The following DNAJC9 variants were observed in gnomAD, a reference collection of about 807,000 sequenced individuals.
The protein encoded by DNAJC9 is DnaJ heat shock protein family (Hsp40) member C9.
In DNAJC9, 18 loss-of-function variants were observed where a neutral mutation model predicts 32.4. That is an observed-to-expected ratio of 0.56 (90% CI 0.38 to 0.82). DNAJC9 has a LOEUF of 0.82. Ranked by LOEUF, DNAJC9 falls within the 40% of genes least tolerant of loss-of-function variation. The probability of loss-of-function intolerance (pLI) is 0.00; values close to 1 mark genes in which losing one functional copy is unlikely to be tolerated. For missense variants in DNAJC9, 310 were observed against 321.8 expected (o/e 0.96, Z 0.28); for synonymous variants, 113 against 122.1 (o/e 0.93, Z 0.49).
Position 73,246,650 on chromosome 10 carries a change from A to C in DNAJC9, c.321+38T>G, listed in dbSNP as rs200588545. On this transcript the variant is annotated intron_variant, in intron 2 of 4. Coordinates refer to ENST00000372950, the MANE Select transcript of DNAJC9 (RefSeq NM_015190.5). Reference sequence around the variant, plus strand: ...TCAATAAAGGTTTGTTGATTGAATGATGGTAACAGTCACAAAGAAACCTCC... The same window carrying C: ...TCAATAAAGGTTTGTTGATTGAATGCTGGTAACAGTCACAAAGAAACCTCC... 4.0e-4 allele frequency: 651 copies of C among 1,609,346 alleles called. No individual in the cohort carries two copies. In the African/African-American group the frequency reaches 7.8e-3, roughly 19 times the overall value.
At chr10:73,240,441 G>A (rs528198779), downstream of DNAJC9, among the ~76,000 whole-genome samples, 6 of 152,024 alleles carry the variant, frequency 3.9e-5, no homozygotes, top group Non-Finnish European at 7.4e-5. Flanking sequence ...GGCTGGGCGT[G>A]GTGGCTCATG....
Position 73,247,222 on chromosome 10 carries a change from CCG to C in DNAJC9, c.-35_-34del. On this transcript the variant is annotated 5_prime_UTR_variant, in exon 1 of 5. Coordinates refer to ENST00000372950, the MANE Select transcript of DNAJC9 (RefSeq NM_015190.5). ...GGAGATACGACCCCGGAGGAAGCAG[CCG>C]CTCCCAGCTGCGCCGGGTACAACCC... is the stretch of plus-strand genomic sequence containing the variant. 6.4e-7 allele frequency: 1 copy of C among 1,570,162 alleles called. No homozygotes were observed. Among genetic ancestry groups the C allele is most frequent in the Non-Finnish European group, 8.6e-7 (1 of 1,158,756 alleles).
chr10:73,233,276 A>G, intron 2 of DNAJC9: 1 of 773,820 alleles, frequency 1.3e-6, no homozygotes, highest in Non-Finnish European at 2.1e-6. Context: ...ATCATTAAGT[A>G]GTCTTATGAC....
chr10:73,244,182 C>T (rs1366530614), intron 3 of DNAJC9: 1 of 458,012 alleles, frequency 2.2e-6, no homozygotes, highest in East Asian at 4.2e-5. Flanking sequence ...CTCTGGCACT[C>T]ATAAATCACA....
downstream of DNAJC9, among the ~76,000 whole-genome samples, chr10:73,235,760 T>TC (rs556933958): frequency 3.0e-3 from 458 of 152,312 alleles, 2 homozygotes; most frequent in Non-Finnish European, 5.5e-3. Flanking sequence ...GACCTGGAAC[T>TC]CCTGGGCTCA....
At chr10:73,246,984 C>A in intron 1 of DNAJC9, 26 bp downstream of exon 1, 1 of 1,548,874 alleles carries the variant, frequency 6.5e-7, no homozygotes, top group Non-Finnish European at 8.7e-7. Flanking sequence ...CGCAGCCGGT[C>A]GGCTTCGGGG....
chr10:73,244,252 T>G, intron 3 of DNAJC9: 1 of 248,732 alleles, frequency 4.0e-6, no homozygotes, highest in Non-Finnish European at 7.7e-6. Context: ...TCCCCATACC[T>G]TGGGAGGCCA....
downstream of DNAJC9, among the ~76,000 whole-genome samples, chr10:73,240,334 A>C (rs1370863024): frequency 3.3e-5 from 5 of 152,206 alleles, no homozygotes; most frequent in African/African-American, 1.2e-4. Context: ...AGTTCCCCGC[A>C]GCATTGTCTG....
chr10:73,238,308 T>C (rs949625421), downstream of DNAJC9, among the ~76,000 whole-genome samples: 4 of 152,258 alleles, frequency 2.6e-5, no homozygotes, highest in Admixed American at 1.3e-4. Flanking sequence ...GATCGTGCCA[T>C]TGCACTCCAA....
downstream of DNAJC9, among the ~76,000 whole-genome samples, chr10:73,236,412 CCTT>C (rs1564717852): frequency 6.9e-6 from 1 of 145,866 alleles, no homozygotes; most frequent in Admixed American, 6.8e-5. Flanking sequence ...CCAATTTCTG[CCTT>C]TTTTTTTTTT....
downstream of DNAJC9, chr10:73,235,039 T>C (rs2043791570): frequency 2.7e-6 from 4 of 1,492,414 alleles, no homozygotes; most frequent in Admixed American, 8.3e-5. Context: ...TATACTGTGT[T>C]TTGTCAAAAG....
Position 73,242,071 on chromosome 10 carries a change from G to T in DNAJC9, c.*1329C>A, listed in dbSNP as rs2043960647. The T allele has an allele frequency of 6.6e-6, 1 of 152,056 alleles. No homozygotes were observed. Among genetic ancestry groups the T allele is most frequent in the African/African-American group, 2.4e-5 (1 of 41,414 alleles). 9.4% of individuals were successfully genotyped at this position (152,056 alleles called of 1,614,324 possible). A position where few individuals can be genotyped will look rare whatever the true frequency, so the allele number is the denominator to read the frequency against. On this transcript the variant is annotated 3_prime_UTR_variant, in exon 5 of 5. Transcript: ENST00000372950. ...TAAATTCAAATAATCATAAATTACG[G>T]TAACTTTTTATTATACCAAGGTGTT...
chr10:73,236,633 C>T (rs1022808035), downstream of DNAJC9, among the ~76,000 whole-genome samples: 3 of 151,698 alleles, frequency 2.0e-5, no homozygotes, highest in Admixed American at 6.6e-5. Flanking sequence ...AGGCTGGTCT[C>T]GAACTCCTGA....
chr10:73,237,799 C>T (rs1346008607), downstream of DNAJC9, among the ~76,000 whole-genome samples: 5 of 151,978 alleles, frequency 3.3e-5, no homozygotes, highest in South Asian at 2.1e-4. Context: ...AATCAGCACA[C>T]TGCAGCCTCA....
At chr10:73,239,354 C>T (rs1437904944), downstream of DNAJC9, 1 of 1,551,688 alleles carries the variant, frequency 6.4e-7, no homozygotes, top group Non-Finnish European at 8.7e-7. Flanking sequence ...TGAGTATCCT[C>T]ATCAGGCCCG....
At chr10:73,232,512 A>G (rs1278414551) in intron 2 of DNAJC9, among the ~76,000 whole-genome samples, 2 of 152,204 alleles carry the variant, frequency 1.3e-5, no homozygotes, top group Non-Finnish European at 2.9e-5. Flanking sequence ...CCAAGCAGCA[A>G]TATTTGTCTT....
At chr10:73,235,793 G>A (rs1036827882), downstream of DNAJC9, among the ~76,000 whole-genome samples, 13 of 152,126 alleles carry the variant, frequency 8.5e-5, no homozygotes, top group Non-Finnish European at 1.3e-4. Flanking sequence ...TTAGCCTCCC[G>A]AGTAGCTGGG....
At chr10:73,246,973 G>C (rs372043663) in intron 1 of DNAJC9, 37 bp downstream of exon 1, 1 of 1,547,876 alleles carries the variant, frequency 6.5e-7, no homozygotes, top group Non-Finnish European at 8.7e-7. Flanking sequence ...GGGGAGGCCC[G>C]CGCAGCCGGT....
At chr10:73,237,775 G>C (rs1405100597), downstream of DNAJC9, among the ~76,000 whole-genome samples, 1 of 151,928 alleles carries the variant, frequency 6.6e-6, no homozygotes, top group African/African-American at 2.4e-5. Flanking sequence ...ACCCAGGCTG[G>C]AGTGTAGTGG....
Sources: allele counts gnomAD v4.1 joint callset (sites outside exome capture counted in the v4.1 genomes callset), GRCh38; gene constraint gnomAD v4.1.1; transcripts MANE v1.5; gene names NCBI Gene and HGNC (gene_info 2026-07-23, HGNC 2026-07-21).